PDE4D: variants seen among roughly 807,000 people sequenced by gnomAD.
PDE4D encodes 3',5'-cyclic-AMP phosphodiesterase 4D.
Under a neutral mutation model 87.4 loss-of-function variants are expected in PDE4D, and 24 were observed. The observed-to-expected ratio is 0.27, with a 90% CI of 0.20 to 0.39. The LOEUF is 0.39. PDE4D is among the 10% of genes least tolerant of loss of function. PDE4D has a pLI of 1.00. For missense variants in PDE4D, 714 were observed against 1,041.0 expected, an observed-to-expected ratio of 0.69 and a Z score of 4.32; for synonymous variants, 384 against 383.2, an observed-to-expected ratio of 1.00 and a Z score of -0.02.
intron 2 of PDE4D, among the ~76,000 whole-genome samples, chr5:60,013,848 G>A (rs1464985032): frequency 6.8e-6 from 1 of 148,126 alleles, no homozygotes; most frequent in Non-Finnish European, 1.5e-5. Context: ...TTCCCTTGGA[G>A]TCAGCCTCCA....
At chr5:59,194,713 A>G (rs2153487434) in intron 2 of PDE4D, among the ~76,000 whole-genome samples, 1 of 152,338 alleles carries the variant, frequency 6.6e-6, no homozygotes, top group African/African-American at 2.4e-5. Context: ...GAGATTATTC[A>G]TAGAACTCTA....
At chr5:60,276,869 C>T (rs866223637) in intron 1 of PDE4D, among the ~76,000 whole-genome samples, 1 of 151,232 alleles carries the variant, frequency 6.6e-6, no homozygotes, top group Non-Finnish European at 1.5e-5. Context: ...TTCTGCTTTT[C>T]TGTGATTAAT....
chr5:59,623,220 A>G (rs183425041), intron 1 of PDE4D, among the ~76,000 whole-genome samples: 7 of 152,160 alleles, frequency 4.6e-5, no homozygotes, highest in African/African-American at 1.7e-4. Flanking sequence ...TTTCTGTAAG[A>G]CCCTACCCTC....
chr5:59,713,969 G>A (rs1754603602), intron 1 of PDE4D, among the ~76,000 whole-genome samples: 2 of 152,346 alleles, frequency 1.3e-5, no homozygotes, highest in South Asian at 2.1e-4. Context: ...GGATCTCCAG[G>A]TGCAGGTGGG....
intron 1 of PDE4D, among the ~76,000 whole-genome samples, chr5:59,825,590 G>C (rs1283846438): frequency 6.6e-6 from 1 of 152,202 alleles, no homozygotes; most frequent in Non-Finnish European, 1.5e-5. Flanking sequence ...AATGGAAGCT[G>C]TGTACCTGGG....
intron 1 of PDE4D, among the ~76,000 whole-genome samples, chr5:60,232,942 C>G (rs1251849459): frequency 6.6e-6 from 1 of 151,680 alleles, no homozygotes; most frequent in Non-Finnish European, 1.5e-5. Context: ...GCAAACATAG[C>G]AGCAGCCATA....
rs186372340 is a variant in PDE4D at position 59,928,767 on chromosome 5, T to C, written c.272+59721A>G. 3.7e-3 allele frequency among the ~76,000 whole-genome samples: 565 copies of C among 151,430 alleles called. 3 individuals carry two copies. The highest frequency in any genetic ancestry group is 0.01 in the Middle Eastern group (3 of 294). On this transcript the variant is annotated intron_variant, in intron 3 of 16. Transcript: ENST00000502484. Reference sequence around the variant, plus strand: ...CTCTCTCTGTATATATCTCTCTTTATATTTTCTTATAACTGTTGACAGCCC... The same window carrying C: ...CTCTCTCTGTATATATCTCTCTTTACATTTTCTTATAACTGTTGACAGCCC...
intron 6 of PDE4D, among the ~76,000 whole-genome samples, chr5:58,993,916 A>T (rs1013125166): frequency 2.0e-5 from 3 of 152,148 alleles, no homozygotes; most frequent in Non-Finnish European, 2.9e-5. Flanking sequence ...TATAGCACAT[A>T]AAAGTGTTGC....
At chr5:60,048,074 G>T (rs144691517) in intron 2 of PDE4D, among the ~76,000 whole-genome samples, 53 of 152,162 alleles carry the variant, frequency 3.5e-4, no homozygotes, top group Admixed American at 2.3e-3. Flanking sequence ...ATATATTTAG[G>T]ATAGTTAGCT....
intron 1 of PDE4D, among the ~76,000 whole-genome samples, chr5:60,397,658 G>A (rs1762975570): frequency 6.6e-6 from 1 of 152,174 alleles, no homozygotes; most frequent in Admixed American, 6.5e-5. Context: ...GTTGTAAGTG[G>A]GAGAGATATT....
chr5:59,859,116 T>C (rs551686402), intron 1 of PDE4D, among the ~76,000 whole-genome samples: 18 of 152,306 alleles, frequency 1.2e-4, no homozygotes, highest in Non-Finnish European at 2.4e-4. Flanking sequence ...TAAGTATTTG[T>C]TTTTCCAAAA....
chr5:60,016,929 T>G, intron 2 of PDE4D, among the ~76,000 whole-genome samples: 1 of 152,238 alleles, frequency 6.6e-6, no homozygotes, highest in East Asian at 1.9e-4. Context: ...TAAAATTTAC[T>G]TTGCCCAGAT....
intron 2 of PDE4D, among the ~76,000 whole-genome samples, chr5:60,068,291 T>C (rs1414096050): frequency 6.6e-6 from 1 of 152,176 alleles, no homozygotes; most frequent in Non-Finnish European, 1.5e-5. Context: ...GATATTTCAT[T>C]ATAGTTTTAA....
chr5:60,361,223 T>A (rs757454397), intron 1 of PDE4D, among the ~76,000 whole-genome samples: 5 of 152,206 alleles, frequency 3.3e-5, no homozygotes, highest in Admixed American at 2.0e-4. Flanking sequence ...CTTCCCTATG[T>A]CTGATCTGTT....
At chr5:60,048,469 T>G (rs1218612119) in intron 2 of PDE4D, among the ~76,000 whole-genome samples, 1 of 152,210 alleles carries the variant, frequency 6.6e-6, no homozygotes, top group Non-Finnish European at 1.5e-5. Flanking sequence ...CTCGATGGTC[T>G]TTACATTTTG....
intron 1 of PDE4D, among the ~76,000 whole-genome samples, chr5:59,574,039 TTTATATATATTTATATATAAAA>T (rs1822408555): frequency 4.0e-5 from 4 of 100,646 alleles, no homozygotes; most frequent in African/African-American, 1.7e-4. Context: ...AAAATATATA[TTTATATATATTTATATATAAAA>T]ATATATATAT....
At chr5:59,157,273 G>A in intron 5 of PDE4D, 1 of 701,974 alleles carries the variant, frequency 1.4e-6, no homozygotes, top group Non-Finnish European at 2.6e-6. Context: ...CTAAACAGCT[G>A]TAGTTTTCAA....
At chr5:59,829,549 T>C (rs960922732) in intron 1 of PDE4D, among the ~76,000 whole-genome samples, 2 of 152,010 alleles carry the variant, frequency 1.3e-5, no homozygotes, top group African/African-American at 4.8e-5. Context: ...AAAGAAAAGT[T>C]ACTCTCATTA....
At chr5:59,689,421 C>A (rs1172915834) in intron 1 of PDE4D, among the ~76,000 whole-genome samples, 4 of 152,066 alleles carry the variant, frequency 2.6e-5, no homozygotes, top group East Asian at 1.9e-4. Flanking sequence ...TCAACATATG[C>A]AAATCAATAA....
Sources: gnomAD v4.1 joint callset for allele counts (sites outside exome capture counted in the v4.1 genomes callset) on GRCh38, gnomAD v4.1.1 for gene constraint, MANE v1.5 for transcripts, NCBI Gene and HGNC (gene_info 2026-07-23, HGNC 2026-07-21) for gene names.